Variants in ARHGAP31 observed in about 807,000 individuals in gnomAD.
ARHGAP31 encodes the protein rho GTPase-activating protein 31.
In ARHGAP31, 34 loss-of-function variants were observed where a neutral mutation model predicts 113.9. That is an observed-to-expected ratio of 0.30 (90% confidence interval 0.23 to 0.40). ARHGAP31 has a LOEUF of 0.40. Ranked by LOEUF, ARHGAP31 falls within the 10% of genes least tolerant of loss-of-function variation. ARHGAP31 has a pLI of 1.00. For missense variants in ARHGAP31, 1,548 were observed against 1,767.1 expected, an observed-to-expected ratio of 0.88 and a Z score of 2.22; for synonymous variants, 650 against 684.8, an observed-to-expected ratio of 0.95 and a Z score of 0.79.
intron 1 of ARHGAP31, among the ~76,000 whole-genome samples, chr3:119,317,336 G>A (rs1191173974): frequency 6.6e-6 from 1 of 152,044 alleles, no homozygotes; most frequent in Admixed American, 6.5e-5. Flanking sequence ...CCACCACCAT[G>A]TCCGGCTAAT....
At chr3:119,320,910 AGT>A (rs2079776946) in intron 1 of ARHGAP31, among the ~76,000 whole-genome samples, 1 of 152,124 alleles carries the variant, frequency 6.6e-6, no homozygotes, top group Non-Finnish European at 1.5e-5. Context: ...TTCTTGTGAT[AGT>A]GAGTAAGTCT....
intron 1 of ARHGAP31, among the ~76,000 whole-genome samples, chr3:119,362,133 G>A (rs2080212350): frequency 6.6e-6 from 1 of 152,214 alleles, no homozygotes; most frequent in South Asian, 2.1e-4. Flanking sequence ...GAACAGGTTG[G>A]TTACCCTGTA....
At chr3:119,396,231 A>C (rs535576863) in intron 8 of ARHGAP31, among the ~76,000 whole-genome samples, 1 of 152,366 alleles carries the variant, frequency 6.6e-6, no homozygotes, top group South Asian at 2.1e-4. Flanking sequence ...CCTGGACCTC[A>C]GAATCGCCCA....
At chr3:119,411,673 A>G (rs1161150969) in intron 11 of ARHGAP31, among the ~76,000 whole-genome samples, 2 of 152,250 alleles carry the variant, frequency 1.3e-5, no homozygotes, top group African/African-American at 4.8e-5. Context: ...AGGAGGGCAC[A>G]GTCTAGTAGG....
chr3:119,302,188 C>T (rs2079590259), intron 1 of ARHGAP31, among the ~76,000 whole-genome samples: 1 of 152,234 alleles, frequency 6.6e-6, no homozygotes. Context: ...ATTTCTCCCC[C>T]AAGGGGCTGG....
rs563788611 is a variant in ARHGAP31, at chr3:119,322,995, G to C, written c.100+27991G>C. ...CGGACTCGTTTCTGCCCCGCCCCGGGGTCCGGGCGCCCGCCCGGCGCTTCA... is the reference window on the plus strand; with the variant it reads ...CGGACTCGTTTCTGCCCCGCCCCGGCGTCCGGGCGCCCGCCCGGCGCTTCA... On this transcript the variant is annotated intron_variant, in intron 1 of 11. Transcript: ENST00000264245. Among the ~76,000 whole-genome samples, 16 of 152,360 alleles carry C rather than the reference G, an allele frequency of 1.1e-4. No homozygotes were observed. In the South Asian group the frequency reaches 3.1e-3, roughly 30 times the overall value.
intron 1 of ARHGAP31, among the ~76,000 whole-genome samples, chr3:119,329,617 G>A (rs1415583073): frequency 6.6e-6 from 1 of 152,018 alleles, no homozygotes; most frequent in Admixed American, 6.6e-5. Context: ...CTCCTTCCAC[G>A]GAGTCTCCAG....
intron 1 of ARHGAP31, among the ~76,000 whole-genome samples, chr3:119,313,935 A>G (rs1416003396): frequency 4.6e-5 from 7 of 152,216 alleles, no homozygotes; most frequent in African/African-American, 1.7e-4. Flanking sequence ...GAATGTCTTA[A>G]TAAGAGCTTG....
intron 1 of ARHGAP31, among the ~76,000 whole-genome samples, chr3:119,337,373 T>C (rs2079964673): frequency 6.6e-6 from 1 of 152,114 alleles, no homozygotes; most frequent in African/African-American, 2.4e-5. Flanking sequence ...ATGCTCTCGC[T>C]GACTTCAGGA....
chr3:119,356,979 C>T (rs528891536), intron 1 of ARHGAP31, among the ~76,000 whole-genome samples: 1 of 152,230 alleles, frequency 6.6e-6, no homozygotes, highest in Non-Finnish European at 1.5e-5. Flanking sequence ...AAATTGCCCT[C>T]CAGAGGTTGT....
intron 1 of ARHGAP31, among the ~76,000 whole-genome samples, chr3:119,364,346 AT>A (rs541189699): frequency 6.6e-6 from 1 of 152,004 alleles, no homozygotes; most frequent in Non-Finnish European, 1.5e-5. Flanking sequence ...TTTCCTTCGA[AT>A]TTTTTTAAAT....
At chr3:119,400,909 G>A (rs569417369) in intron 9 of ARHGAP31, among the ~76,000 whole-genome samples, 2 of 152,250 alleles carry the variant, frequency 1.3e-5, no homozygotes, top group South Asian at 2.1e-4. Flanking sequence ...AGTGGCTCAT[G>A]CCTGTCATCC....
chr3:119,339,098 G>C (rs956841727), intron 1 of ARHGAP31, among the ~76,000 whole-genome samples: 4 of 152,202 alleles, frequency 2.6e-5, no homozygotes, highest in African/African-American at 7.2e-5. Context: ...TCTGGAGTAG[G>C]AAGCAATTTG....
intron 1 of ARHGAP31, among the ~76,000 whole-genome samples, chr3:119,334,313 G>T (rs545388685): frequency 6.6e-6 from 1 of 152,302 alleles, no homozygotes; most frequent in Admixed American, 6.5e-5. Flanking sequence ...ACACTTGCGT[G>T]ACTGCTGGTG....
intron 3 of ARHGAP31, 109 bp downstream of exon 3, chr3:119,368,625 A>G: frequency 7.2e-7 from 1 of 1,390,284 alleles, no homozygotes; most frequent in South Asian, 1.2e-5. Flanking sequence ...GGTTGACATT[A>G]TCTTAGCGTG....
intron 1 of ARHGAP31, among the ~76,000 whole-genome samples, chr3:119,362,019 G>A (rs1202370048): frequency 1.3e-5 from 2 of 152,234 alleles, no homozygotes; most frequent in Non-Finnish European, 2.9e-5. Flanking sequence ...TTATGGCAGA[G>A]GCTCTGTCTC....
At chr3:119,370,102 G>A (rs75424271) in intron 3 of ARHGAP31, among the ~76,000 whole-genome samples, 2,619 of 152,246 alleles carry the variant, frequency 0.017, 47 homozygotes, top group East Asian at 0.061. Flanking sequence ...AAGGCAGAAG[G>A]TAAAGAAGCC....
intron 1 of ARHGAP31, among the ~76,000 whole-genome samples, chr3:119,321,759 C>T (rs1007976026): frequency 2.0e-5 from 3 of 152,190 alleles, no homozygotes; most frequent in African/African-American, 7.2e-5. Flanking sequence ...AGTGATTTTC[C>T]TGCTTCAGCC....
intron 1 of ARHGAP31, among the ~76,000 whole-genome samples, chr3:119,317,471 CTGGCCACATTTCTA>C (rs1252806375): frequency 1.3e-5 from 2 of 152,186 alleles, no homozygotes; most frequent in Non-Finnish European, 2.9e-5. Context: ...GTCACTGCGC[CTGGCCACATTTCTA>C]TTTTCAGTAG....
Sources: gnomAD v4.1 joint callset for allele counts (sites outside exome capture counted in the v4.1 genomes callset) on GRCh38, gnomAD v4.1.1 for gene constraint, MANE v1.5 for transcripts, NCBI Gene and HGNC (gene_info 2026-07-23, HGNC 2026-07-21) for gene names.